SLC9A9: variants seen among roughly 807,000 people sequenced by gnomAD.
SLC9A9 encodes the protein sodium/hydrogen exchanger 9.
Under a neutral mutation model 77.8 loss-of-function variants are expected in SLC9A9, and 62 were observed. The ratio of observed to expected loss-of-function variants is 0.80; its 90% CI spans 0.65 to 0.98. SLC9A9 has a LOEUF of 0.98. SLC9A9 is among the 50% of genes least tolerant of loss of function. The probability of loss-of-function intolerance (pLI) is 0.00; values close to 1 mark genes in which losing one functional copy is unlikely to be tolerated. For missense variants in SLC9A9, 775 were observed against 774.9 expected (o/e 1.00, Z 0.00); for synonymous variants, 320 against 283.5 (o/e 1.13, Z -1.29).
intron 9 of SLC9A9, among the ~76,000 whole-genome samples, chr3:143,549,794 T>C (rs1367754612): frequency 6.6e-6 from 1 of 151,996 alleles, no homozygotes; most frequent in Non-Finnish European, 1.5e-5. Context: ...AAAGTGCAAG[T>C]CCCTAAACAG....
At chr3:143,608,635 G>A (rs1365822372) in intron 6 of SLC9A9, among the ~76,000 whole-genome samples, 2 of 152,148 alleles carry the variant, frequency 1.3e-5, no homozygotes, top group Admixed American at 6.5e-5. Context: ...TAAATGCAAT[G>A]TAATTGAAAC....
chr3:143,449,909 TA>T (rs372946752), intron 12 of SLC9A9, among the ~76,000 whole-genome samples: 34,148 of 78,274 alleles, frequency 0.44, 8,206 homozygotes, highest in African/African-American at 0.54. Context: ...ACATATAATA[TA>T]ATATTACATA....
rs115801323 is a variant in SLC9A9, at chr3:143,796,584, G to A, written c.456+242C>T. On this transcript the variant is annotated intron_variant, in intron 3 of 15. Transcript: ENST00000316549. ...GTATTTTACACTTAAAGAACATCTC[G>A]ATTCAGACAAGACGCATTTCAAGAG... Among the ~76,000 whole-genome samples the A allele has an allele frequency of 1.8e-4, 27 of 152,160 alleles. No homozygotes were observed. The East Asian group carries it at 5.2e-3, about 29-fold the overall frequency.
At chr3:143,608,142 G>A (rs1277574000) in intron 6 of SLC9A9, among the ~76,000 whole-genome samples, 1 of 152,146 alleles carries the variant, frequency 6.6e-6, no homozygotes, top group Non-Finnish European at 1.5e-5. Flanking sequence ...AATAGCAAAA[G>A]CAAGTTGTAA....
At chr3:143,688,495 C>T (rs563716720) in intron 5 of SLC9A9, among the ~76,000 whole-genome samples, 1 of 152,180 alleles carries the variant, frequency 6.6e-6, no homozygotes, top group Admixed American at 6.5e-5. Flanking sequence ...ACCCTGAAAG[C>T]CAGAATATCT....
At chr3:143,495,492 G>T in intron 9 of SLC9A9, 44 bp from the exon 10 acceptor site, 1 of 1,410,452 alleles carries the variant, frequency 7.1e-7, no homozygotes, top group Non-Finnish European at 1.0e-6. Context: ...TATAACTCAG[G>T]TTTGAGTGCA....
At chr3:143,774,679 G>A (rs910867232) in intron 4 of SLC9A9, among the ~76,000 whole-genome samples, 4 of 144,236 alleles carry the variant, frequency 2.8e-5, no homozygotes, top group African/African-American at 1.1e-4. Flanking sequence ...GTAAGATGAT[G>A]TTGGAGAATC....
intron 6 of SLC9A9, among the ~76,000 whole-genome samples, chr3:143,595,304 T>G (rs2037735619): frequency 6.6e-6 from 1 of 152,224 alleles, no homozygotes; most frequent in Admixed American, 6.5e-5. Context: ...AATGAAAAAT[T>G]AATTATACTA....
chr3:143,747,777 T>G (rs1935230062), intron 4 of SLC9A9, among the ~76,000 whole-genome samples: 1 of 152,302 alleles, frequency 6.6e-6, no homozygotes, highest in Admixed American at 6.6e-5. Flanking sequence ...TGGAAAATCA[T>G]ATATTTCGAT....
At chr3:143,463,281 T>C (rs1466511597) in intron 12 of SLC9A9, among the ~76,000 whole-genome samples, 1 of 152,206 alleles carries the variant, frequency 6.6e-6, no homozygotes, top group Non-Finnish European at 1.5e-5. Context: ...GTTTGCACTG[T>C]GGTATGGGCT....
chr3:143,532,292 C>T (rs1359973139), intron 9 of SLC9A9, among the ~76,000 whole-genome samples: 1 of 152,140 alleles, frequency 6.6e-6, no homozygotes, highest in Non-Finnish European at 1.5e-5. Flanking sequence ...TTTCAAGCTA[C>T]CACTGAACCT....
At chr3:143,829,548 C>T (rs1365212828) in intron 2 of SLC9A9, among the ~76,000 whole-genome samples, 1 of 152,188 alleles carries the variant, frequency 6.6e-6, no homozygotes, top group Non-Finnish European at 1.5e-5. Context: ...TGTAAAGTTT[C>T]ACAGTCCTCA....
chr3:143,398,047 T>C (rs2033769293), intron 12 of SLC9A9, among the ~76,000 whole-genome samples: 1 of 152,148 alleles, frequency 6.6e-6, no homozygotes, highest in Non-Finnish European at 1.5e-5. Context: ...GATAGGTACC[T>C]ACAACACAAT....
intron 6 of SLC9A9, among the ~76,000 whole-genome samples, chr3:143,640,019 C>A (rs1188117549): frequency 8.1e-6 from 1 of 124,138 alleles, no homozygotes. Context: ...CTTTTTTTTT[C>A]TTTTTTTTTT....
intron 9 of SLC9A9, among the ~76,000 whole-genome samples, chr3:143,502,315 A>G (rs1161946422): frequency 1.4e-5 from 2 of 143,204 alleles, no homozygotes; most frequent in East Asian, 3.8e-4. Context: ...GGAAGTATTT[A>G]AACTGCGTAA....
At chr3:143,586,103 A>T (rs899935598) in intron 6 of SLC9A9, among the ~76,000 whole-genome samples, 3 of 152,150 alleles carry the variant, frequency 2.0e-5, no homozygotes, top group African/African-American at 7.2e-5. Flanking sequence ...CCCAGGGATA[A>T]CCCCTTTCCT....
Position 143,767,457 on chromosome 3 carries a change from T to G in SLC9A9, c.533+27544A>C, listed in dbSNP as rs571307185. ...AAGGGCCACATTAACTGTTTGTTTG[T>G]TTGGAGGGAGGATAGTTCCACGGAC... On this transcript the variant is annotated intron_variant, in intron 4 of 15. Transcript: ENST00000316549. Among the ~76,000 whole-genome samples, 23 of 152,006 alleles carry G rather than the reference T, an allele frequency of 1.5e-4. No individual in the cohort carries two copies. The South Asian group carries it at 4.4e-3, about 29-fold the overall frequency.
chr3:143,824,105 C>T (rs180940132), intron 2 of SLC9A9, among the ~76,000 whole-genome samples: 60 of 152,244 alleles, frequency 3.9e-4, no homozygotes, highest in African/African-American at 1.4e-3. Context: ...GCCATGGTAC[C>T]TCATGGCACT....
intron 12 of SLC9A9, among the ~76,000 whole-genome samples, chr3:143,390,679 G>T (rs1471132992): frequency 6.6e-6 from 1 of 152,212 alleles, no homozygotes; most frequent in African/African-American, 2.4e-5. Context: ...AGTGCAAGGG[G>T]TCAGAGAATT....
Sources: allele counts gnomAD v4.1 joint callset (sites outside exome capture counted in the v4.1 genomes callset), GRCh38; gene constraint gnomAD v4.1.1; transcripts MANE v1.5; gene names NCBI Gene and HGNC (gene_info 2026-07-23, HGNC 2026-07-21).